The following OXR1 variants were observed in gnomAD, a reference collection of about 807,000 sequenced individuals.
OXR1 encodes oxidation resistance 1.
OXR1 carries 41 observed loss-of-function variants against 104.6 expected under a neutral mutation model. The observed-to-expected ratio is 0.39, with a 90% CI of 0.31 to 0.51. The LOEUF (loss-of-function observed/expected upper bound fraction) is 0.51, where lower values mean the gene tolerates loss of function less well. OXR1 is among the 20% of genes least tolerant of loss of function. The pLI, the probability that OXR1 is intolerant of heterozygous loss-of-function variation, is 0.77. For synonymous variants in OXR1, 348 were observed against 348.4 expected, an observed-to-expected ratio of 1.00 and a Z score of 0.01; for missense variants, 955 against 1,031.9, an observed-to-expected ratio of 0.93 and a Z score of 1.02.
At chr8:106,545,634 T>G (rs111853652) in intron 3 of OXR1, among the ~76,000 whole-genome samples, 2 of 152,284 alleles carry the variant, frequency 1.3e-5, no homozygotes, top group African/African-American at 4.8e-5. Context: ...ACTAGACAAG[T>G]AGAACAGAAT....
chr8:106,579,090 C>G (rs1439785315), intron 3 of OXR1, among the ~76,000 whole-genome samples: 1 of 150,546 alleles, frequency 6.6e-6, no homozygotes, highest in Non-Finnish European at 1.5e-5. Flanking sequence ...TGACTGTCTC[C>G]TTTTTTGCCT....
At chr8:106,559,089 C>A (rs1586810389) in intron 3 of OXR1, among the ~76,000 whole-genome samples, 1 of 152,172 alleles carries the variant, frequency 6.6e-6, no homozygotes, top group African/African-American at 2.4e-5. Flanking sequence ...ACGCTCTCAA[C>A]ACTTTACTTA....
chr8:106,431,335 G>A (rs934353605), intron 2 of OXR1, among the ~76,000 whole-genome samples: 1 of 152,110 alleles, frequency 6.6e-6, no homozygotes, highest in African/African-American at 2.4e-5. Flanking sequence ...AAACTGGTGT[G>A]GATAACTGGA....
chr8:106,331,708 C>T (rs999761890), intron 1 of OXR1, among the ~76,000 whole-genome samples: 4 of 151,964 alleles, frequency 2.6e-5, no homozygotes, highest in Non-Finnish European at 5.9e-5. Flanking sequence ...GGGAGGCCAA[C>T]GTGGGCGGAT....
At chr8:106,743,765 A>T (rs888842618) in intron 15 of OXR1, among the ~76,000 whole-genome samples, 1 of 152,220 alleles carries the variant, frequency 6.6e-6, no homozygotes, top group African/African-American at 2.4e-5. Context: ...ACCCAAAGGA[A>T]TGTAAGTCCT....
chr8:106,286,778 GAGGTATTCTA>G (rs1345827108), intron 1 of OXR1, among the ~76,000 whole-genome samples: 1 of 152,204 alleles, frequency 6.6e-6, no homozygotes, highest in Admixed American at 6.5e-5. Context: ...CTTTTAGCAT[GAGGTATTCTA>G]AGGTCTATTG....
intron 3 of OXR1, among the ~76,000 whole-genome samples, chr8:106,676,010 T>TA (rs1185164812): frequency 6.6e-6 from 1 of 152,136 alleles, no homozygotes; most frequent in South Asian, 2.1e-4. Context: ...AGTTAGATCT[T>TA]ACGAATTGAA....
chr8:106,282,426 C>T (rs779609789), intron 1 of OXR1, among the ~76,000 whole-genome samples: 3 of 152,094 alleles, frequency 2.0e-5, no homozygotes, highest in African/African-American at 4.8e-5. Flanking sequence ...ATAGTTGACT[C>T]GAACAATATG....
At chr8:106,685,129 A>C (rs951633454) in intron 6 of OXR1, among the ~76,000 whole-genome samples, 2 of 152,300 alleles carry the variant, frequency 1.3e-5, no homozygotes, top group South Asian at 4.1e-4. Flanking sequence ...TTTAGAATGC[A>C]GTCACATGAA....
At chr8:106,455,475 G>T (rs970291483) in intron 2 of OXR1, among the ~76,000 whole-genome samples, 1 of 152,106 alleles carries the variant, frequency 6.6e-6, no homozygotes, top group Non-Finnish European at 1.5e-5. Flanking sequence ...ATTAGCCAAG[G>T]TCAAATGCAT....
At chr8:106,398,815 C>T (rs970725257) in intron 2 of OXR1, among the ~76,000 whole-genome samples, 2 of 152,138 alleles carry the variant, frequency 1.3e-5, no homozygotes, top group African/African-American at 4.8e-5. Context: ...TGAAATAATA[C>T]AGACATCTGA....
intron 1 of OXR1, among the ~76,000 whole-genome samples, chr8:106,336,133 A>G (rs1814953892): frequency 6.6e-6 from 1 of 152,210 alleles, no homozygotes; most frequent in African/African-American, 2.4e-5. Flanking sequence ...GCTAATTTTA[A>G]TGTTAATCTC....
chr8:106,723,038 A>G (rs754195088), intron 11 of OXR1, among the ~76,000 whole-genome samples: 3 of 152,100 alleles, frequency 2.0e-5, no homozygotes, highest in Non-Finnish European at 4.4e-5. Flanking sequence ...GCCCAAAGTT[A>G]TGAGCTATAA....
chr8:106,742,180 A>ATTTG, intron 14 of OXR1, 42 bp from the exon 15 acceptor site: 1 of 1,072,718 alleles, frequency 9.3e-7, no homozygotes, highest in Non-Finnish European at 1.4e-6. Context: ...ACTGGAATAA[A>ATTTG]TTTGTTAGTC....
intron 16 of OXR1, 134 bp from the exon 17 acceptor site, chr8:106,750,672 G>T: frequency 6.5e-6 from 4 of 615,978 alleles, no homozygotes; most frequent in South Asian, 5.1e-5. Context: ...ACAAAATTGT[G>T]TCAGTGTGGA....
At chr8:106,321,623 G>C (rs1333248304) in intron 1 of OXR1, among the ~76,000 whole-genome samples, 1 of 152,194 alleles carries the variant, frequency 6.6e-6, no homozygotes, top group Non-Finnish European at 1.5e-5. Context: ...GAAAATTAGA[G>C]TGTAGCCCCT....
At chr8:106,506,129 G>A (rs1048306537) in intron 2 of OXR1, among the ~76,000 whole-genome samples, 1 of 152,320 alleles carries the variant, frequency 6.6e-6, no homozygotes, top group African/African-American at 2.4e-5. Context: ...TGTCATGAGC[G>A]ACTGTGTAGG....
chr8:106,671,444 G>C (rs1826971736), intron 3 of OXR1, among the ~76,000 whole-genome samples: 1 of 152,120 alleles, frequency 6.6e-6, no homozygotes, highest in African/African-American at 2.4e-5. Flanking sequence ...TATCTTGGCA[G>C]TGGCAGACAG....
intron 3 of OXR1, among the ~76,000 whole-genome samples, chr8:106,537,379 A>G (rs1814616061): frequency 6.6e-6 from 1 of 152,184 alleles, no homozygotes. Context: ...CACAGGATGT[A>G]AATGTCCCAA....
Sources: allele counts gnomAD v4.1 joint callset (sites outside exome capture counted in the v4.1 genomes callset), GRCh38; gene constraint gnomAD v4.1.1; transcripts MANE v1.5; gene names NCBI Gene and HGNC (gene_info 2026-07-23, HGNC 2026-07-21).